RTN4: variants seen among roughly 807,000 people sequenced by gnomAD.
The protein encoded by RTN4 is reticulon-4.
RTN4 carries 32 observed loss-of-function variants against 90.4 expected under a neutral mutation model. That is an observed-to-expected ratio of 0.35 (90% confidence interval 0.27 to 0.48). The LOEUF is 0.48. Ranked by LOEUF, RTN4 falls within the 20% of genes least tolerant of loss-of-function variation. The probability of loss-of-function intolerance (pLI) is 0.99; values close to 1 mark genes in which losing one functional copy is unlikely to be tolerated. For missense variants in RTN4, 1,706 were observed against 1,430.2 expected (o/e 1.19, Z -3.11); for synonymous variants, 629 against 552.5 (o/e 1.14, Z -1.94).
At chr2:55,092,424 A>G (rs1206454026) in intron 1 of RTN4, among the ~76,000 whole-genome samples, 1 of 151,936 alleles carries the variant, frequency 6.6e-6, no homozygotes, top group Non-Finnish European at 1.5e-5. Flanking sequence ...TAGTAGAGAC[A>G]GGGTTTCTCC....
intron 2 of RTN4, among the ~76,000 whole-genome samples, chr2:55,057,666 G>GA: frequency 6.6e-6 from 1 of 152,250 alleles, no homozygotes; most frequent in African/African-American, 2.4e-5. Flanking sequence ...GAATGCGTTT[G>GA]AGAAAGCGAA....
chr2:55,095,990 A>C (rs1336140147), intron 1 of RTN4, among the ~76,000 whole-genome samples: 1 of 152,142 alleles, frequency 6.6e-6, no homozygotes, highest in African/African-American at 2.4e-5. Context: ...GGTTATTGGG[A>C]GAGAGACTAC....
Position 55,050,363 on chromosome 2 carries a change from C to T in RTN4, c.-63G>A. 2 of 1,167,702 alleles carry T rather than the reference C, an allele frequency of 1.7e-6. No homozygotes were observed. The highest frequency in any genetic ancestry group is 1.1e-6 in the Non-Finnish European group (1 of 887,290). The allele number at this position is 1,167,702 out of a possible 1,614,324, so 72.3% of individuals were successfully genotyped here. On this transcript the variant is annotated 5_prime_UTR_variant, in exon 1 of 9. Coordinates refer to ENST00000337526, the MANE Select transcript of RTN4 (RefSeq NM_020532.5). The surrounding 1 kb of genome is among the most constrained non-coding windows in gnomAD (Gnocchi z 4.6). ...CGCCGCCGGGGCCGCGTCTCAGAGC[C>T]GCGGGCGGTTGTGGGGGTTGGGGAG...
chr2:55,045,639 C>G (rs528072552), intron 1 of RTN4, among the ~76,000 whole-genome samples: 1 of 152,202 alleles, frequency 6.6e-6, no homozygotes, highest in African/African-American at 2.4e-5. Flanking sequence ...AAAACAATAA[C>G]TTTAGAAACA....
chr2:55,015,452 T>C (rs923303755), intron 3 of RTN4, among the ~76,000 whole-genome samples: 1 of 152,204 alleles, frequency 6.6e-6, no homozygotes, highest in South Asian at 2.1e-4. Context: ...AAAAATCTTT[T>C]AGAAAACTGA....
intron 2 of RTN4, among the ~76,000 whole-genome samples, chr2:55,056,942 G>A (rs888790234): frequency 2.4e-4 from 36 of 152,198 alleles, no homozygotes; most frequent in African/African-American, 8.2e-4. Context: ...GGTTTAGGTA[G>A]TAGGCTTGAT....
chr2:55,005,664 G>A (rs1481952162), intron 3 of RTN4, among the ~76,000 whole-genome samples: 1 of 152,092 alleles, frequency 6.6e-6, no homozygotes, highest in African/African-American at 2.4e-5. Context: ...TTTACAGGTT[G>A]AGTATTACTG....
At chr2:55,073,749 A>G (rs1668553732) in intron 2 of RTN4, among the ~76,000 whole-genome samples, 1 of 152,204 alleles carries the variant, frequency 6.6e-6, no homozygotes, top group Admixed American at 6.5e-5. Flanking sequence ...TTTCAATCTA[A>G]CAGCTTGATT....
At chr2:55,030,096 T>G (rs1323633318) in intron 1 of RTN4, among the ~76,000 whole-genome samples, 1 of 152,188 alleles carries the variant, frequency 6.6e-6, no homozygotes, top group Non-Finnish European at 1.5e-5. Context: ...AGCCACTAAT[T>G]CAGAGGCTAG....
the RTN4 span, among the ~76,000 whole-genome samples, chr2:55,134,212 C>T: frequency 1.6e-4 from 24 of 150,554 alleles, no homozygotes; most frequent in African/African-American, 5.6e-4. Context: ...TTTGTGGTCA[C>T]GTGGGTTTTG....
chr2:55,044,477 C>T (rs1015431078), intron 1 of RTN4, among the ~76,000 whole-genome samples: 1 of 151,930 alleles, frequency 6.6e-6, no homozygotes, highest in African/African-American at 2.4e-5. Flanking sequence ...TTGGGAGGTC[C>T]AGGCAGGAGG....
At chr2:55,107,399 AC>A (rs1667961767) in intron 1 of RTN4, among the ~76,000 whole-genome samples, 1 of 117,850 alleles carries the variant, frequency 8.5e-6, no homozygotes, top group Admixed American at 9.3e-5. Flanking sequence ...TAAAGACTGA[AC>A]CTCAAAAAAA....
chr2:55,052,813 C>G (rs1668120277), upstream of RTN4, among the ~76,000 whole-genome samples: 1 of 152,194 alleles, frequency 6.6e-6, no homozygotes, highest in Admixed American at 6.5e-5. Context: ...TATCAGCAGT[C>G]TTCCCCGCAT....
At chr2:55,010,265 G>A (rs1485861003) in intron 3 of RTN4, 8 of 1,511,844 alleles carry the variant, frequency 5.3e-6, no homozygotes, top group Non-Finnish European at 6.2e-6. Flanking sequence ...CACAACTGCA[G>A]CAGGACTGAA....
chr2:55,021,241 C>A (rs939192546), intron 3 of RTN4, among the ~76,000 whole-genome samples: 3 of 152,030 alleles, frequency 2.0e-5, no homozygotes, highest in Non-Finnish European at 4.4e-5. Flanking sequence ...TACACTTGAA[C>A]CTCCCTTTCA....
At chr2:55,101,301 G>A (rs1387758224) in intron 1 of RTN4, among the ~76,000 whole-genome samples, 1 of 151,930 alleles carries the variant, frequency 6.6e-6, no homozygotes, top group Non-Finnish European at 1.5e-5. Flanking sequence ...ATCAGAAAAT[G>A]TTTATTTTTT....
chr2:55,033,370 T>C (rs1368782911), intron 1 of RTN4, among the ~76,000 whole-genome samples: 2 of 152,224 alleles, frequency 1.3e-5, no homozygotes, highest in Non-Finnish European at 2.9e-5. Context: ...ATTCATGGAT[T>C]CCTTATTTGC....
chr2:55,009,964 T>C, intron 3 of RTN4: 3 of 1,086,476 alleles, frequency 2.8e-6, no homozygotes, highest in East Asian at 2.5e-5. Context: ...TTTAATCCTT[T>C]AGACTTCAAC....
At chr2:55,039,818 T>C (rs1202280897) in intron 1 of RTN4, among the ~76,000 whole-genome samples, 2 of 152,218 alleles carry the variant, frequency 1.3e-5, no homozygotes, top group Non-Finnish European at 2.9e-5. Flanking sequence ...AGCTGGATGC[T>C]TGATACTAAT....
Sources: gnomAD v4.1 joint callset for allele counts (sites outside exome capture counted in the v4.1 genomes callset) on GRCh38, gnomAD v4.1.1 for gene constraint, Gnocchi (gnomAD v3.1) non-coding constraint, MANE v1.5 for transcripts, NCBI Gene and HGNC (gene_info 2026-07-23, HGNC 2026-07-21) for gene names.